Variants in TRAP1 observed in about 807,000 individuals in gnomAD.
TRAP1 encodes TNF receptor associated protein 1.
TRAP1 carries 102 observed loss-of-function variants against 89.1 expected under a neutral mutation model. That is an observed-to-expected ratio of 1.15 (90% confidence interval 0.98 to 1.35). The LOEUF (loss-of-function observed/expected upper bound fraction) is 1.35. Among genes scored for constraint, TRAP1 ranks in the 40% most tolerant of loss-of-function variants. TRAP1 has a pLI of 0.00. For synonymous variants in TRAP1, 508 were observed against 388.0 expected, an observed-to-expected ratio of 1.31 and a Z score of -3.64; for missense variants, 1,256 against 945.3, an observed-to-expected ratio of 1.33 and a Z score of -4.31.
At chr16:3,684,730 C>T (rs1403478439) in intron 4 of TRAP1, among the ~76,000 whole-genome samples, 2 of 152,074 alleles carry the variant, frequency 1.3e-5, no homozygotes, top group Non-Finnish European at 2.9e-5. Flanking sequence ...GCGGAGGCTG[C>T]AGTGAGCTGA....
chr16:3,674,366 G>A lies in TRAP1; in HGVS notation c.1017C>T (p.Ile339=). The part of the protein sequence containing the change: ...LHYKTDAPLN[I]RSIFYVPDMK... ...TGTCGGGCACGTAGAAGATGCTGCG[G>A]ATGTTGAGCGGTGCGTCCGTCTTAT... The change falls in exon 9 of 18, where the codon ATC becomes ATT. Residue 339 remains isoleucine (I), a synonymous_variant. Transcript: ENST00000246957. The A allele has an allele frequency of 6.2e-7, 1 of 1,614,102 alleles. No individual in the cohort carries two copies. The highest frequency in any genetic ancestry group is 8.5e-7 in the Non-Finnish European group (1 of 1,180,038).
intron 1 of TRAP1, among the ~76,000 whole-genome samples, chr16:3,694,047 C>A (rs2051253549): frequency 6.6e-6 from 1 of 151,840 alleles, no homozygotes; most frequent in South Asian, 2.1e-4. Context: ...CGGTGCTTCC[C>A]ACTGGAGGTG....
chr16:3,670,382 C>CAAAAAAAAAAAAAA (rs760902038), intron 11 of TRAP1, among the ~76,000 whole-genome samples: 355 of 22,842 alleles, frequency 0.016, 60 homozygotes, highest in Middle Eastern at 0.05. Context: ...GACTCCGTCT[C>CAAAAAAAAAAAAAA]AAAAAAAAAA....
At chr16:3,681,273 G>A (rs2051070181) in intron 4 of TRAP1, among the ~76,000 whole-genome samples, 1 of 152,164 alleles carries the variant, frequency 6.6e-6, no homozygotes, top group Non-Finnish European at 1.5e-5. Flanking sequence ...AGGACAGCCT[G>A]CAGGAGCCAT....
intron 9 of TRAP1, among the ~76,000 whole-genome samples, chr16:3,674,086 CTT>C (rs957850870): frequency 3.3e-5 from 5 of 152,136 alleles, no homozygotes; most frequent in African/African-American, 1.2e-4. Context: ...GGCATCTGTT[CTT>C]TTTTTCTTTT....
At chr16:3,667,406 C>A (rs2050851051) in intron 11 of TRAP1, among the ~76,000 whole-genome samples, 1 of 151,812 alleles carries the variant, frequency 6.6e-6, no homozygotes, top group African/African-American at 2.4e-5. Flanking sequence ...GGCGGATCAC[C>A]AGAGGTCAGG....
In TRAP1 at chr16:3,675,393, CA is replaced by C; in HGVS notation, c.818del (p.Val273GlyfsTer2). Reference sequence around the variant, plus strand: ...TGACGAAGTTGCTGTACTTCGTTACCACATCTGGAAGGGACAAAAGAAAAAC... The same window carrying C: ...TGACGAAGTTGCTGTACTTCGTTACCCATCTGGAAGGGACAAAAGAAAAAC... ...EFSSEARVRD[V>X]VTKYSNFVSF... On this transcript the variant is annotated frameshift_variant, in exon 8 of 18. Transcript: ENST00000246957. LOFTEE classifies it high-confidence loss of function. 1 of 1,614,042 alleles carries C rather than the reference CA, an allele frequency of 6.2e-7. No homozygotes were observed. Among genetic ancestry groups the C allele is most frequent in the Admixed American group, 1.7e-5 (1 of 60,010 alleles).
At position 3,662,036 on chromosome 16, in the gene TRAP1, G is replaced by A; in HGVS notation, c.1891C>T (p.Gln631Ter). Residue 631 changes from glutamine to a stop codon, truncating the protein, a stop_gained, in exon 16 of 18, where the codon CAG (glutamine) becomes TAG (stop). Coordinates refer to ENST00000246957, the MANE Select transcript of TRAP1 (RefSeq NM_016292.3). LOFTEE classifies it high-confidence loss of function. ...TGCAGGAGCTGTGCGCGCTCCTCCT[G>A]GGTCTTGGCCAGCTGCTGCATGCGC... ...FLRMQQLAKTQEERAQLLQPT... is the reference protein window; with the variant it reads ...FLRMQQLAKT 6.2e-7 allele frequency: 1 copy of A among 1,613,246 alleles called. No homozygotes were observed. The highest frequency in any genetic ancestry group is 8.5e-7 in the Non-Finnish European group (1 of 1,179,936).
At chr16:3,696,735 CTTTTT>C (rs112049919) in intron 1 of TRAP1, among the ~76,000 whole-genome samples, 12 of 145,122 alleles carry the variant, frequency 8.3e-5, no homozygotes, top group Non-Finnish European at 1.4e-4. Flanking sequence ...TTTTTTTTTT[CTTTTT>C]TTTTTTGACT....
intron 14 of TRAP1, 129 bp downstream of exon 14, chr16:3,663,295 A>G (rs2050731015): frequency 3.2e-6 from 4 of 1,265,114 alleles, no homozygotes; most frequent in African/African-American, 3.0e-5. Context: ...TGCTCCCACA[A>G]GGCTCTTCTC....
intron 1 of TRAP1, among the ~76,000 whole-genome samples, chr16:3,694,230 T>C (rs972362265): frequency 3.9e-5 from 6 of 152,146 alleles, no homozygotes; most frequent in Non-Finnish European, 7.4e-5. Context: ...ATACCAGGAA[T>C]ACTGGAGTTA....
intron 1 of TRAP1, among the ~76,000 whole-genome samples, chr16:3,703,839 G>T (rs1321458770): frequency 6.6e-6 from 1 of 151,064 alleles, no homozygotes; most frequent in Non-Finnish European, 1.5e-5. Flanking sequence ...CACGGTGAAA[G>T]CCAGTCTCTA....
intron 1 of TRAP1, among the ~76,000 whole-genome samples, chr16:3,716,544 CATGAAAAGAT>C (rs1178902203): frequency 3.3e-5 from 5 of 152,300 alleles, no homozygotes; most frequent in African/African-American, 1.2e-4. Flanking sequence ...TATACACTGA[CATGAAAAGAT>C]GTGGAAAGAA....
chr16:3,670,154 A>G (rs1418605886), intron 11 of TRAP1, among the ~76,000 whole-genome samples: 2 of 149,270 alleles, frequency 1.3e-5, no homozygotes, highest in African/African-American at 2.5e-5. Flanking sequence ...AGGCCAAGGC[A>G]GGCGGATCAC....
chr16:3,688,936 C>A, intron 3 of TRAP1, 119 bp downstream of exon 3: 1 of 931,066 alleles, frequency 1.1e-6, no homozygotes, highest in Non-Finnish European at 1.6e-6. Flanking sequence ...AGGACCTGTC[C>A]AAAGTTTAAT....
chr16:3,669,267 T>C (rs373286037), intron 11 of TRAP1, among the ~76,000 whole-genome samples: 1 of 152,150 alleles, frequency 6.6e-6, no homozygotes, highest in Non-Finnish European at 1.5e-5. Context: ...AGCACGACTC[T>C]AACGACCACA....
At chr16:3,669,741 G>A (rs1435532394) in intron 11 of TRAP1, among the ~76,000 whole-genome samples, 1 of 148,652 alleles carries the variant, frequency 6.7e-6, no homozygotes, top group African/African-American at 2.5e-5. Context: ...GCTGAGACAG[G>A]AGAATGGCAT....
intron 1 of TRAP1, among the ~76,000 whole-genome samples, chr16:3,691,852 G>C (rs2151271059): frequency 6.6e-6 from 1 of 152,246 alleles, no homozygotes; most frequent in Non-Finnish European, 1.5e-5. Context: ...CTAAGAAGGA[G>C]ACTTGTCTTC....
intron 1 of TRAP1, among the ~76,000 whole-genome samples, chr16:3,707,726 C>T (rs955953390): frequency 3.3e-5 from 5 of 151,340 alleles, no homozygotes; most frequent in African/African-American, 7.3e-5. Context: ...TCGCAGCGGG[C>T]ATCTGTAATC....
Sources: allele counts gnomAD v4.1 joint callset (sites outside exome capture counted in the v4.1 genomes callset), GRCh38; gene constraint gnomAD v4.1.1; transcripts MANE v1.5; gene names NCBI Gene and HGNC (gene_info 2026-07-23, HGNC 2026-07-21).